ZNF540: variants seen among roughly 807,000 people sequenced by gnomAD.
The protein encoded by ZNF540 is zinc finger protein 540.
In ZNF540, 3 loss-of-function variants were observed where a neutral mutation model predicts 11.8. The observed-to-expected ratio is 0.25, with a 90% CI of 0.12 to 0.65. The LOEUF is 0.65. Ranked by LOEUF, ZNF540 falls within the 30% of genes least tolerant of loss-of-function variation. The pLI is 0.83. For missense variants in ZNF540, 709 were observed against 793.1 expected, an observed-to-expected ratio of 0.89 and a Z score of 1.27; for synonymous variants, 247 against 259.0, an observed-to-expected ratio of 0.95 and a Z score of 0.45.
intron 1 of ZNF540, among the ~76,000 whole-genome samples, chr19:37,558,728 G>T (rs2042687165): frequency 6.6e-6 from 1 of 152,102 alleles, no homozygotes; most frequent in African/African-American, 2.4e-5. Context: ...AACACAGTAA[G>T]AACTTCATGT....
chr19:37,564,727 A>G (rs750971220), intron 1 of ZNF540: 1 of 1,613,662 alleles, frequency 6.2e-7, no homozygotes, highest in Non-Finnish European at 8.5e-7. Flanking sequence ...AGCCACGACT[A>G]AAGGCCCTCC....
intron 1 of ZNF540, chr19:37,566,385 A>G (rs1041292918): frequency 4.7e-5 from 66 of 1,400,730 alleles, no homozygotes; most frequent in Non-Finnish European, 6.2e-5. Context: ...AATTCTCATT[A>G]AGAATAGAAT....
At position 37,612,230 on chromosome 19, in the gene ZNF540, A is replaced by G; in HGVS notation, c.950A>G (p.His317Arg). The change falls in exon 5 of 5, where the codon CAT (histidine) becomes CGT (arginine). Residue 317 changes from histidine to arginine, a missense_variant. His to Arg is a conservative substitution (Grantham distance 29, BLOSUM62 0). Transcript: ENST00000316433. ...VFQLIFYFKE[H>R]ERIHTGKKPY... ...CAACTTATTTTCTACTTTAAAGAAC[A>G]TGAGAGAATTCATACAGGTAAGAAA... 1 of 1,613,744 alleles carries G rather than the reference A, an allele frequency of 6.2e-7. No individual in the cohort carries two copies. The highest frequency in any genetic ancestry group is 8.5e-7 in the Non-Finnish European group (1 of 1,179,980).
rs527797815 is a variant in ZNF540 at position 37,563,993 on chromosome 19, AAAC to A, written c.-73+12334_-73+12336del. On this transcript the variant is annotated intron_variant, in intron 1 of 4. Transcript: ENST00000592533. The stretch of plus-strand genomic sequence containing the variant: ...TAATCTTTCACTTTCTTAAAAAACA[AAAC>A]AACAAAAAACAACAGCCCTAAAGCA... 4 of 152,348 alleles carry A rather than the reference AAAC, an allele frequency of 2.6e-5. No individual in the cohort carries two copies. The East Asian group carries it at 5.8e-4, about 22-fold the overall frequency. 9.4% of individuals were successfully genotyped at this position (152,348 alleles called of 1,614,324 possible). A position where few individuals can be genotyped will look rare whatever the true frequency, so the allele number is the denominator to read the frequency against.
At chr19:37,605,241 G>A (rs1162437065) in intron 4 of ZNF540, among the ~76,000 whole-genome samples, 1 of 151,946 alleles carries the variant, frequency 6.6e-6, no homozygotes, top group Non-Finnish European at 1.5e-5. Flanking sequence ...CAGGCGGATC[G>A]CTTGAGCCCA....
In ZNF540 at chr19:37,604,296, CTTTTTT is replaced by C. The variant is rs769163050; in HGVS notation, c.232+3215_232+3220del. On this transcript the variant is annotated intron_variant, in intron 4 of 4. Transcript: ENST00000316433. ...CATAGAGCTTTGGAAAATAGCCTTA[CTTTTTT>C]TTTTTTTTTTTTTTTTTTTTTTTAA... 1.4e-3 allele frequency among the ~76,000 whole-genome samples: 102 copies of C among 75,268 alleles called. 2 individuals carry two copies. Among genetic ancestry groups the C allele is most frequent in the East Asian group, 2.0e-3 (4 of 1,994 alleles). 49.4% of individuals were successfully genotyped at this position (75,268 alleles called of 152,430 possible).
At chr19:37,571,965 T>C (rs1204259637) in intron 1 of ZNF540, among the ~76,000 whole-genome samples, 1 of 152,246 alleles carries the variant, frequency 6.6e-6, no homozygotes, top group Admixed American at 6.5e-5. Flanking sequence ...TTAAATTATA[T>C]CTTTTTTTAT....
In ZNF540 at chr19:37,584,496, A is replaced by T. The variant is rs368121943; in HGVS notation, c.-72-13880A>T. Among the ~76,000 whole-genome samples the T allele has an allele frequency of 3.9e-5, 6 of 152,156 alleles. No individual in the cohort carries two copies. The South Asian group carries it at 1.2e-3, about 32-fold the overall frequency. Reference sequence around the variant, plus strand: ...CCTTTAAATACTTTTAAAAAGATGAATTTTTTTCCAAACAATGTTTACCAA... The same window carrying T: ...CCTTTAAATACTTTTAAAAAGATGATTTTTTTTCCAAACAATGTTTACCAA... On this transcript the variant is annotated intron_variant, in intron 1 of 4. Coordinates refer to the ZNF540 transcript ENST00000592533.
At chr19:37,590,918 CTGT>C (rs552556374), upstream of ZNF540, among the ~76,000 whole-genome samples, 123 of 152,264 alleles carry the variant, frequency 8.1e-4, no homozygotes, top group Middle Eastern at 3.4e-3. Flanking sequence ...GTGACAGTTA[CTGT>C]TGTTTTCAAA....
At position 37,613,994 on chromosome 19, in the gene ZNF540, C is replaced by T. The variant is rs1599594837; in HGVS notation, c.*731C>T. ...GTTACAGCAAGAAGTCAGCAGTCTA[C>T]AGTGCAAAAGAGGGCCTTCACCAGA... is the stretch of plus-strand genomic sequence containing the variant. On this transcript the variant is annotated 3_prime_UTR_variant, in exon 5 of 5. Coordinates refer to ENST00000316433, the MANE Select transcript of ZNF540 (RefSeq NM_001172225.3). The T allele has an allele frequency of 5.0e-6, 2 of 396,508 alleles. No individual in the cohort carries two copies. 24.6% of individuals were successfully genotyped at this position (396,508 alleles called of 1,614,324 possible).
chr19:37,553,091 C>A (rs1218614045), intron 1 of ZNF540, among the ~76,000 whole-genome samples: 1 of 37,654 alleles, frequency 2.7e-5, no homozygotes, highest in South Asian at 9.1e-4. Context: ...ATATTTTAAT[C>A]TTTTTTTATA....
At chr19:37,603,691 GATT>G (rs1270136580) in intron 4 of ZNF540, among the ~76,000 whole-genome samples, 4 of 152,034 alleles carry the variant, frequency 2.6e-5, no homozygotes, top group Non-Finnish European at 5.9e-5. Context: ...AGTTAACATT[GATT>G]ATTTACTGTA....
At chr19:37,610,597 G>A (rs1334508454) in intron 4 of ZNF540, among the ~76,000 whole-genome samples, 2 of 152,130 alleles carry the variant, frequency 1.3e-5, no homozygotes, top group Non-Finnish European at 2.9e-5. Flanking sequence ...TTATTTTTAG[G>A]AGATGAAAAA....
At position 37,599,673 on chromosome 19, in the gene ZNF540, A is replaced by T; in HGVS notation, c.57A>T (p.Glu19Asp). 6.2e-7 allele frequency: 1 copy of T among 1,613,978 alleles called. No individual in the cohort carries two copies. Among genetic ancestry groups the T allele is most frequent in the Non-Finnish European group, 8.5e-7 (1 of 1,179,910 alleles). The change falls in exon 3 of 5, where the codon GAA becomes GAT. Residue 19 changes from glutamate to aspartate, a missense_variant. Physicochemically the swap from Glu to Asp is conservative, Grantham distance 45 (BLOSUM62 2). Transcript: ENST00000316433. ...TGGCTATAGACTTCTCTCAGAAGGAATGGGAGTGCCTGGACACTACCCAGA... is the reference window on the plus strand; with the variant it reads ...TGGCTATAGACTTCTCTCAGAAGGATTGGGAGTGCCTGGACACTACCCAGA... ...RDVAIDFSQK[E>D]WECLDTTQRK...
chr19:37,609,612 CCGAGA>C (rs1157415149), intron 4 of ZNF540, among the ~76,000 whole-genome samples: 1 of 151,392 alleles, frequency 6.6e-6, no homozygotes, highest in Non-Finnish European at 1.5e-5. Flanking sequence ...CTTTGGGAGG[CCGAGA>C]CAAGTGGATC....
At chr19:37,570,888 T>C (rs930819845) in intron 1 of ZNF540, among the ~76,000 whole-genome samples, 2 of 151,724 alleles carry the variant, frequency 1.3e-5, no homozygotes, top group African/African-American at 4.9e-5. Flanking sequence ...AAAGCATATG[T>C]AGAAGCCCCA....
In ZNF540 at chr19:37,557,921, C is replaced by T. The variant is rs146132364; in HGVS notation, c.-73+6256C>T. On this transcript the variant is annotated intron_variant, in intron 1 of 4. Transcript: ENST00000592533. Reference sequence around the variant, plus strand: ...TTGGCTCGCAGACAACTTGGCCATCCAGAGGTCTCAGGATCCAGTTTCTTA... The same window carrying T: ...TTGGCTCGCAGACAACTTGGCCATCTAGAGGTCTCAGGATCCAGTTTCTTA... 2.0e-5 allele frequency among the ~76,000 whole-genome samples: 3 copies of T among 152,222 alleles called. No individual in the cohort carries two copies. The East Asian group carries it at 5.8e-4, about 29-fold the overall frequency.
intron 1 of ZNF540, among the ~76,000 whole-genome samples, chr19:37,578,752 C>G (rs1234751984): frequency 6.6e-6 from 1 of 152,050 alleles, no homozygotes; most frequent in African/African-American, 2.4e-5. Flanking sequence ...GACCATGCAA[C>G]CCCTGCCCTA....
intron 1 of ZNF540, among the ~76,000 whole-genome samples, chr19:37,596,262 TCATTTTATTGTG>T (rs1384462019): frequency 1.3e-5 from 2 of 152,208 alleles, no homozygotes; most frequent in Admixed American, 6.5e-5. Flanking sequence ...TAGGCATACC[TCATTTTATTGTG>T]CATCATTTTA....
Sources: gnomAD v4.1 joint callset for allele counts (sites outside exome capture counted in the v4.1 genomes callset) on GRCh38, gnomAD v4.1.1 for gene constraint, MANE v1.5 for transcripts, NCBI Gene and HGNC (gene_info 2026-07-23, HGNC 2026-07-21) for gene names.